USP8: variants seen among roughly 807,000 people sequenced by gnomAD.
USP8 encodes the protein ubiquitin specific peptidase 8, also known as ubiquitin carboxyl-terminal hydrolase 8.
USP8 carries 27 observed loss-of-function variants against 130.0 expected under a neutral mutation model. That is an observed-to-expected ratio of 0.21 (90% confidence interval 0.15 to 0.29). The LOEUF (loss-of-function observed/expected upper bound fraction) is 0.29, where lower values mean the gene tolerates loss of function less well. Among genes scored for constraint, USP8 ranks in the 10% least tolerant of loss-of-function variants. The pLI is 1.00. For synonymous variants in USP8, 392 were observed against 444.1 expected, an observed-to-expected ratio of 0.88 and a Z score of 1.48; for missense variants, 1,029 against 1,312.2, an observed-to-expected ratio of 0.78 and a Z score of 3.33.
At chr15:50,470,642 G>A (rs1468828426) in intron 7 of USP8, among the ~76,000 whole-genome samples, 9 of 144,662 alleles carry the variant, frequency 6.2e-5, no homozygotes, top group Non-Finnish European at 9.0e-5. Context: ...TTGCTTTGTC[G>A]CCCAGGCTGG....
chr15:50,458,487 G>C (rs1479740684), intron 4 of USP8: 1 of 157,656 alleles, frequency 6.3e-6, no homozygotes, highest in Non-Finnish European at 1.4e-5. Context: ...AAATTCCTCA[G>C]ATATCTGCTA....
intron 11 of USP8, 104 bp downstream of exon 11, chr15:50,482,169 C>A: frequency 9.2e-7 from 1 of 1,091,374 alleles, no homozygotes; most frequent in South Asian, 2.1e-5. Context: ...TTCAAATAGT[C>A]TTTTCAGGGG....
rs3131575 is a variant in USP8, at chr15:50,438,957, T to A, written c.-65-52T>A. ...GAATTTTTTTTTTTAAACTGCTCAC[T>A]TGTTTTATTGTGAATGAGGAAAATT... On this transcript the variant is annotated intron_variant, in intron 1 of 19. Coordinates refer to ENST00000307179, the MANE Select transcript of USP8 (RefSeq NM_005154.5). The A allele has an allele frequency of 1.8e-5, 13 of 729,236 alleles. No individual in the cohort carries two copies. The East Asian group carries it at 3.0e-4, about 17-fold the overall frequency. 45.2% of individuals were successfully genotyped at this position (729,236 alleles called of 1,614,324 possible). A position where few individuals can be genotyped will look rare whatever the true frequency, so the allele number is the denominator to read the frequency against.
chr15:50,459,567 G>A (rs1158177612), intron 5 of USP8, among the ~76,000 whole-genome samples: 1 of 152,032 alleles, frequency 6.6e-6, no homozygotes, highest in African/African-American at 2.4e-5. Flanking sequence ...CTGGGCAACA[G>A]AGCAACACTC....
chr15:50,439,196 T>C lies in USP8; in HGVS notation c.104+19T>C. On this transcript the variant is annotated intron_variant, in intron 2 of 19. Coordinates refer to ENST00000307179, the MANE Select transcript of USP8 (RefSeq NM_005154.5). Reference sequence around the variant, plus strand: ...CTAAGAGGTATGATGTATCCTTCGCTAGTTTGATTGAATCAAATATTAATT... The same window carrying C: ...CTAAGAGGTATGATGTATCCTTCGCCAGTTTGATTGAATCAAATATTAATT... 1 of 1,342,748 alleles carries C rather than the reference T, an allele frequency of 7.4e-7. No individual in the cohort carries two copies. The highest frequency in any genetic ancestry group is 1.0e-6 in the Non-Finnish European group (1 of 1,003,702). The allele number at this position is 1,342,748 out of a possible 1,614,324, so 83.2% of individuals were successfully genotyped here.
chr15:50,449,586 A>AT (rs1254264897), intron 4 of USP8, 101 bp downstream of exon 4: 2,199 of 861,020 alleles, frequency 2.6e-3, no homozygotes, highest in Middle Eastern at 3.7e-3. Context: ...TAATATTCCA[A>AT]TTTTTTTTTG....
At chr15:50,475,910 T>TTA (rs1028721743) in intron 8 of USP8, among the ~76,000 whole-genome samples, 3 of 151,904 alleles carry the variant, frequency 2.0e-5, no homozygotes, top group Admixed American at 2.0e-4. Flanking sequence ...ACCAATATAT[T>TTA]TATATATATT....
At position 50,509,124 on chromosome 15, in the gene USP8, C is replaced by T. The variant is rs1390451029; in HGVS notation, c.*10036C>T. ...CTCCAGCCTGGGCGACAGAGCGAGACTCCGTCACAAAAAAAAAAAAAAAAA... is the reference window on the plus strand; with the variant it reads ...CTCCAGCCTGGGCGACAGAGCGAGATTCCGTCACAAAAAAAAAAAAAAAAA... On this transcript the variant is annotated 3_prime_UTR_variant, in exon 20 of 20. Coordinates refer to ENST00000307179, the MANE Select transcript of USP8 (RefSeq NM_005154.5). 1.9e-5 allele frequency: 2 copies of T among 105,446 alleles called. No homozygotes were observed. Among genetic ancestry groups the T allele is most frequent in the African/African-American group, 8.1e-5 (2 of 24,798 alleles). 6.5% of individuals were successfully genotyped at this position (105,446 alleles called of 1,614,324 possible). A position where few individuals can be genotyped will look rare whatever the true frequency, so the allele number is the denominator to read the frequency against.
At chr15:50,498,505 A>C in intron 18 of USP8, 91 bp from the exon 19 acceptor site, 1 of 1,414,642 alleles carries the variant, frequency 7.1e-7, no homozygotes, top group Non-Finnish European at 9.4e-7. Context: ...AATGGATTTT[A>C]CAGTCCTGGC....
At chr15:50,467,148 TAG>T (rs1388893250) in intron 7 of USP8, 2 of 270,006 alleles carry the variant, frequency 7.4e-6, no homozygotes, top group Admixed American at 7.8e-5. Context: ...ATATATATAT[TAG>T]AGTACTCAGT....
intron 3 of USP8, among the ~76,000 whole-genome samples, chr15:50,442,037 C>T (rs953393990): frequency 1.3e-4 from 17 of 131,714 alleles, no homozygotes; most frequent in East Asian, 6.9e-4. Flanking sequence ...AGTGCAGTGG[C>T]GTGATATCGG....
chr15:50,444,809 T>C (rs1469105160), intron 3 of USP8, among the ~76,000 whole-genome samples: 3 of 152,100 alleles, frequency 2.0e-5, no homozygotes, highest in Admixed American at 6.6e-5. Context: ...CAGGTTGGAG[T>C]GCGGTGGGCA....
chr15:50,449,350 C>T (rs1241126552), intron 3 of USP8, 50 bp from the exon 4 acceptor site: 2 of 1,225,820 alleles, frequency 1.6e-6, no homozygotes, highest in Admixed American at 2.3e-5. Flanking sequence ...ACTAGTGTCA[C>T]ATGCAATGCC....
chr15:50,442,984 A>T (rs1190113264), intron 3 of USP8, among the ~76,000 whole-genome samples: 1 of 152,136 alleles, frequency 6.6e-6, no homozygotes, highest in Admixed American at 6.5e-5. Context: ...CTATTGTTTA[A>T]ATTGACTTAC....
intron 1 of USP8, chr15:50,426,801 A>G (rs2049742231): frequency 6.6e-6 from 1 of 152,204 alleles, no homozygotes; most frequent in South Asian, 2.1e-4. Flanking sequence ...CCAGCGTACA[A>G]CCCTCACCTT....
intron 1 of USP8, among the ~76,000 whole-genome samples, chr15:50,434,099 A>C (rs557268143): frequency 8.7e-6 from 1 of 114,430 alleles, no homozygotes; most frequent in South Asian, 2.8e-4. Flanking sequence ...CTTGAAGCAT[A>C]AGGTTTTTTG....
intron 8 of USP8, among the ~76,000 whole-genome samples, chr15:50,473,062 T>C (rs2051434543): frequency 6.6e-6 from 1 of 152,136 alleles, no homozygotes; most frequent in Non-Finnish European, 1.5e-5. Context: ...TGGGCACAGA[T>C]AGCCATGAAC....
chr15:50,445,681 C>G (rs559889286), intron 3 of USP8, among the ~76,000 whole-genome samples: 3 of 149,962 alleles, frequency 2.0e-5, no homozygotes, highest in African/African-American at 7.3e-5. Flanking sequence ...GAAACCCCAT[C>G]TCTACTAAAA....
intron 11 of USP8, among the ~76,000 whole-genome samples, chr15:50,483,092 T>C (rs1411475130): frequency 2.6e-5 from 4 of 152,244 alleles, no homozygotes; most frequent in African/African-American, 7.2e-5. Flanking sequence ...TTAAGTATTA[T>C]TCATTGAGTA....
Sources: allele counts gnomAD v4.1 joint callset (sites outside exome capture counted in the v4.1 genomes callset), GRCh38; gene constraint gnomAD v4.1.1; transcripts MANE v1.5; gene names NCBI Gene and HGNC (gene_info 2026-07-23, HGNC 2026-07-21).